Variants in MCF2L2 observed in about 807,000 individuals in gnomAD.
The protein encoded by MCF2L2 is probable guanine nucleotide exchange factor MCF2L2.
Under a neutral mutation model 150.2 loss-of-function variants are expected in MCF2L2, and 102 were observed. The ratio of observed to expected loss-of-function variants is 0.68; its 90% CI spans 0.58 to 0.80. The LOEUF (loss-of-function observed/expected upper bound fraction) is 0.80, where lower values mean the gene tolerates loss of function less well. MCF2L2 is among the 30% of genes least tolerant of loss of function. MCF2L2 has a pLI of 0.00. For synonymous variants in MCF2L2, 465 were observed against 491.3 expected (o/e 0.95, Z 0.71); for missense variants, 1,256 against 1,372.8 (o/e 0.91, Z 1.34).
At chr3:183,426,489 T>C (rs780770992) in intron 1 of MCF2L2, among the ~76,000 whole-genome samples, 2 of 152,250 alleles carry the variant, frequency 1.3e-5, no homozygotes, top group Non-Finnish European at 2.9e-5. Context: ...TCTTCACAAG[T>C]AGCCTTTGAG....
At chr3:183,332,465 C>G (rs1730311522) in intron 5 of MCF2L2, among the ~76,000 whole-genome samples, 1 of 152,056 alleles carries the variant, frequency 6.6e-6, no homozygotes, top group Non-Finnish European at 1.5e-5. Flanking sequence ...ATGTTCAGTC[C>G]CTCCTAGGTG....
intron 3 of MCF2L2, among the ~76,000 whole-genome samples, chr3:183,361,016 A>AGGAAAGACCAGATAAGAC (rs1560040154): frequency 8.5e-5 from 12 of 141,158 alleles, no homozygotes; most frequent in African/African-American, 3.0e-4. Context: ...AAGAAAAGAA[A>AGGAAAGACCAGATAAGAC]AGAAAAGAGA....
intron 1 of MCF2L2, among the ~76,000 whole-genome samples, chr3:183,412,131 C>T (rs1715344608): frequency 6.6e-6 from 1 of 152,064 alleles, no homozygotes; most frequent in Non-Finnish European, 1.5e-5. Flanking sequence ...TTCTTAAATG[C>T]ATACAAGCAA....
chr3:183,299,969 T>C (rs1377919673), intron 11 of MCF2L2, 36 bp downstream of exon 11: 20 of 1,595,696 alleles, frequency 1.3e-5, no homozygotes, highest in African/African-American at 2.7e-5. Context: ...ACAGAAAATC[T>C]TGCAGACATC....
chr3:183,266,312 T>C (rs967871842), intron 15 of MCF2L2, among the ~76,000 whole-genome samples: 1 of 152,252 alleles, frequency 6.6e-6, no homozygotes, highest in African/African-American at 2.4e-5. Context: ...TGCTCAGGAA[T>C]AGGCAGCTGG....
At chr3:183,289,968 C>G (rs944863154) in intron 13 of MCF2L2, among the ~76,000 whole-genome samples, 1 of 152,206 alleles carries the variant, frequency 6.6e-6, no homozygotes, top group African/African-American at 2.4e-5. Flanking sequence ...ATCATGTGTA[C>G]AGCATAATGT....
chr3:183,379,902 G>T (rs1043811277), intron 2 of MCF2L2, among the ~76,000 whole-genome samples: 6 of 151,322 alleles, frequency 4.0e-5, no homozygotes, highest in Non-Finnish European at 7.4e-5. Context: ...TATATATATA[G>T]ATATATATGA....
chr3:183,365,075 G>A (rs1370727708), intron 3 of MCF2L2, among the ~76,000 whole-genome samples: 1 of 152,104 alleles, frequency 6.6e-6, no homozygotes, highest in Non-Finnish European at 1.5e-5. Flanking sequence ...ACTAGTTAAA[G>A]GATATAATGG....
Position 183,374,578 on chromosome 3 carries a change from G to C in MCF2L2, c.275+4719C>G, listed in dbSNP as rs548752934. On this transcript the variant is annotated intron_variant, in intron 3 of 29. Coordinates refer to ENST00000328913, the MANE Select transcript of MCF2L2 (RefSeq NM_015078.4). ...AGCTACTCGGGAGGTTGAGGTAGGA[G>C]AATCACTTCAACCCGAGAGGCGGAG... 1.6e-3 allele frequency: 243 copies of C among 150,616 alleles called. 1 individual carries two copies. Among genetic ancestry groups the C allele is most frequent in the Admixed American group, 2.5e-3 (38 of 15,028 alleles). 9.3% of individuals were successfully genotyped at this position (150,616 alleles called of 1,614,324 possible).
Position 183,224,129 on chromosome 3 carries a change from C to T in MCF2L2, c.2177G>A (p.Trp726Ter), listed in dbSNP as rs1413677647. 2.5e-6 allele frequency: 4 copies of T among 1,613,892 alleles called. No individual in the cohort carries two copies. The African/African-American group carries it at 4.0e-5, about 16-fold the overall frequency. ...HKNLPRARAI[W>*]QECQDCAYFG... ...GTAGGCGCAGTCTTGACACTCTTGC[C>T]AGATTGCCCTAGCTCGGGGCAGATT... Residue 726 changes from tryptophan to a stop codon, truncating the protein, a stop_gained, in exon 19 of 30, where the codon TGG (tryptophan) becomes TAG (stop). Transcript: ENST00000328913. LOFTEE classifies it high-confidence loss of function.
intron 25 of MCF2L2, among the ~76,000 whole-genome samples, chr3:183,204,027 A>C (rs1033713873): frequency 1.1e-4 from 16 of 152,214 alleles, no homozygotes; most frequent in African/African-American, 3.6e-4. Flanking sequence ...GGGAAAGAAT[A>C]GTCTTTTCAA....
chr3:183,350,504 G>A (rs1731069302), intron 3 of MCF2L2, among the ~76,000 whole-genome samples: 1 of 152,144 alleles, frequency 6.6e-6, no homozygotes, highest in Non-Finnish European at 1.5e-5. Context: ...TGTCATACTC[G>A]CTCTATGAGG....
chr3:183,427,812 G>C, intron 1 of MCF2L2, 90 bp downstream of exon 1: 1 of 1,127,222 alleles, frequency 8.9e-7, no homozygotes, highest in Non-Finnish European at 1.3e-6. Flanking sequence ...CTGCCCCGGG[G>C]CAGCGGGTGA....
intron 1 of MCF2L2, among the ~76,000 whole-genome samples, chr3:183,420,913 A>T (rs1383810437): frequency 6.6e-6 from 1 of 152,194 alleles, no homozygotes; most frequent in African/African-American, 2.4e-5. Context: ...TTACAATTCA[A>T]GGTGAGATTT....
intron 14 of MCF2L2, among the ~76,000 whole-genome samples, chr3:183,278,013 C>T (rs996747471): frequency 4.7e-5 from 7 of 149,438 alleles, no homozygotes; most frequent in Non-Finnish European, 1.0e-4. Context: ...GGTGAAACCC[C>T]ATCTCTACTA....
chr3:183,286,920 G>A (rs1401379629), intron 14 of MCF2L2, among the ~76,000 whole-genome samples: 1 of 152,210 alleles, frequency 6.6e-6, no homozygotes, highest in Non-Finnish European at 1.5e-5. Context: ...AAGGATGATT[G>A]TAACATGGAC....
In MCF2L2 at chr3:183,384,634, C is replaced by A. The variant is rs1019463840; in HGVS notation, c.160+5062G>T. On this transcript the variant is annotated intron_variant, in intron 2 of 29. Coordinates refer to ENST00000328913, the MANE Select transcript of MCF2L2 (RefSeq NM_015078.4). The stretch of plus-strand genomic sequence containing the variant: ...CACTCCTGGCTCACTGGCTTCCCCC[C>A]ACCCACCAAGTTATCCTTAAAAACT... Among the ~76,000 whole-genome samples the A allele has an allele frequency of 3.9e-5, 6 of 152,192 alleles. No individual in the cohort carries two copies. In the South Asian group the frequency reaches 8.3e-4, roughly 21 times the overall value.
chr3:183,280,563 C>T (rs9868501), intron 14 of MCF2L2, among the ~76,000 whole-genome samples: 11 of 152,012 alleles, frequency 7.2e-5, no homozygotes, highest in Non-Finnish European at 1.5e-4. Context: ...GCAAGGGTAT[C>T]TGGGCCAGGC....
intron 14 of MCF2L2, among the ~76,000 whole-genome samples, chr3:183,281,362 C>CTTT (rs773642295): frequency 1.6e-5 from 2 of 121,750 alleles, no homozygotes; most frequent in Non-Finnish European, 3.5e-5. Context: ...GGAACCTCAC[C>CTTT]TTTTTTTTTT....
Sources: gnomAD v4.1 joint callset for allele counts (sites outside exome capture counted in the v4.1 genomes callset) on GRCh38, gnomAD v4.1.1 for gene constraint, MANE v1.5 for transcripts, NCBI Gene and HGNC (gene_info 2026-07-23, HGNC 2026-07-21) for gene names.